Variants in PTPRD observed in about 807,000 individuals in gnomAD.
The protein encoded by PTPRD is protein tyrosine phosphatase receptor type D, also known as receptor-type tyrosine-protein phosphatase delta.
Under a neutral mutation model 214.5 loss-of-function variants are expected in PTPRD, and 34 were observed. The observed-to-expected ratio is 0.16, with a 90% CI of 0.12 to 0.21. The LOEUF (loss-of-function observed/expected upper bound fraction) is 0.21, where lower values mean the gene tolerates loss of function less well. Among genes scored for constraint, PTPRD ranks in the 10% least tolerant of loss-of-function variants. The probability of loss-of-function intolerance (pLI) is 1.00; values close to 1 mark genes in which losing one functional copy is unlikely to be tolerated. For synonymous variants in PTPRD, 1,128 were observed against 845.7 expected (o/e 1.33, Z -5.79); for missense variants, 2,545 against 2,398.7 (o/e 1.06, Z -1.27).
chr9:10,532,015 A>T (rs2056499176), intron 2 of PTPRD: 1 of 152,142 alleles, frequency 6.6e-6, no homozygotes, highest in South Asian at 2.1e-4. Flanking sequence ...CTTTATTTTA[A>T]AATTACTCTC....
intron 44 of PTPRD, among the ~76,000 whole-genome samples, chr9:8,321,363 A>T (rs943012338): frequency 6.6e-6 from 1 of 151,154 alleles, no homozygotes; most frequent in South Asian, 2.1e-4. Context: ...CAACTTTTCA[A>T]TTTACTGGTT....
intron 2 of PTPRD, among the ~76,000 whole-genome samples, chr9:10,450,523 T>C (rs890079956): frequency 8.5e-5 from 13 of 152,082 alleles, no homozygotes; most frequent in African/African-American, 3.1e-4. Flanking sequence ...TTATAGTCCC[T>C]AATCTGTAGT....
intron 12 of PTPRD, among the ~76,000 whole-genome samples, chr9:8,709,901 C>G (rs539944595): frequency 6.6e-6 from 1 of 152,138 alleles, no homozygotes; most frequent in East Asian, 1.9e-4. Context: ...GAGAGTGCCT[C>G]AGGAATTAAG....
chr9:9,885,217 A>G (rs2070393722), intron 5 of PTPRD, among the ~76,000 whole-genome samples: 1 of 152,104 alleles, frequency 6.6e-6, no homozygotes, highest in Admixed American at 6.6e-5. Context: ...GTATTAATAT[A>G]TTGAATAAAA....
intron 2 of PTPRD, among the ~76,000 whole-genome samples, chr9:10,422,898 G>C (rs1464352461): frequency 2.0e-5 from 3 of 152,000 alleles, no homozygotes; most frequent in Admixed American, 1.3e-4. Flanking sequence ...ACAGTGTGGC[G>C]ATTCCTCAAG....
chr9:8,718,832 C>T (rs74716482), intron 12 of PTPRD, among the ~76,000 whole-genome samples: 12,298 of 152,180 alleles, frequency 0.081, 641 homozygotes, highest in Middle Eastern at 0.13. Flanking sequence ...CCCACAAAAG[C>T]GTTTCAGTTT....
intron 8 of PTPRD, among the ~76,000 whole-genome samples, chr9:9,564,984 T>G (rs551623320): frequency 7.2e-6 from 1 of 139,440 alleles, no homozygotes; most frequent in Non-Finnish European, 1.5e-5. Context: ...ATGAATGACA[T>G]GCAGTTTTCA....
chr9:9,652,098 C>T (rs2096375437), intron 7 of PTPRD, among the ~76,000 whole-genome samples: 1 of 151,978 alleles, frequency 6.6e-6, no homozygotes, highest in Non-Finnish European at 1.5e-5. Flanking sequence ...GCCTTGGCCT[C>T]CCAAAGCGCT....
intron 8 of PTPRD, among the ~76,000 whole-genome samples, chr9:9,503,693 C>T (rs572885579): frequency 6.6e-6 from 1 of 151,806 alleles, no homozygotes; most frequent in African/African-American, 2.4e-5. Flanking sequence ...AGTAGAGTCA[C>T]TTGTGTCAAA....
intron 2 of PTPRD, among the ~76,000 whole-genome samples, chr9:10,493,164 G>A (rs532892672): frequency 1.3e-5 from 2 of 151,834 alleles, no homozygotes; most frequent in Admixed American, 6.6e-5. Flanking sequence ...GTGAAAATGG[G>A]CATACTACCT....
chr9:10,421,607 T>G (rs2098546482), intron 2 of PTPRD, among the ~76,000 whole-genome samples: 1 of 152,008 alleles, frequency 6.6e-6, no homozygotes, highest in East Asian at 2.0e-4. Context: ...TTTTATATAC[T>G]AGTTCTACAA....
chr9:9,991,579 T>G (rs1339730823), intron 4 of PTPRD, among the ~76,000 whole-genome samples: 1 of 151,834 alleles, frequency 6.6e-6, no homozygotes, highest in Non-Finnish European at 1.5e-5. Flanking sequence ...CAGGCTGGTC[T>G]CGAACTCCTG....
intron 4 of PTPRD, among the ~76,000 whole-genome samples, chr9:10,022,508 A>C (rs184587402): frequency 0.01 from 1,565 of 152,232 alleles, 73 homozygotes; most frequent in Admixed American, 0.076. Context: ...TTGATGCAAA[A>C]GTAATCACGG....
intron 11 of PTPRD, among the ~76,000 whole-genome samples, chr9:8,989,763 G>T (rs1389629135): frequency 6.6e-6 from 1 of 152,014 alleles, no homozygotes; most frequent in Admixed American, 6.6e-5. Context: ...GTCTTTATTT[G>T]TTTTATGCTC....
chr9:9,353,691 T>C (rs1028668192), intron 9 of PTPRD, among the ~76,000 whole-genome samples: 2 of 151,868 alleles, frequency 1.3e-5, no homozygotes, highest in Non-Finnish European at 2.9e-5. Flanking sequence ...AAGTATTTTA[T>C]AGTTTAAAGG....
At chr9:9,798,656 G>A (rs1230007410) in intron 5 of PTPRD, among the ~76,000 whole-genome samples, 1 of 152,162 alleles carries the variant, frequency 6.6e-6, no homozygotes, top group Non-Finnish European at 1.5e-5. Context: ...CCATCAGCAT[G>A]CAGCAGCCTA....
intron 9 of PTPRD, among the ~76,000 whole-genome samples, chr9:9,311,043 T>C (rs1958841170): frequency 6.6e-6 from 1 of 151,486 alleles, no homozygotes; most frequent in African/African-American, 2.4e-5. Context: ...CCTTAGCAAA[T>C]TAATATGAGT....
At chr9:9,183,277 A>G (rs924471481) in intron 10 of PTPRD, 27 bp downstream of exon 10, 3 of 152,050 alleles carry the variant, frequency 2.0e-5, no homozygotes, top group Non-Finnish European at 4.4e-5. Flanking sequence ...GAGAAGGGAA[A>G]GGGTTAAAAT....
intron 11 of PTPRD, among the ~76,000 whole-genome samples, chr9:8,841,959 A>G (rs1045063723): frequency 1.3e-5 from 2 of 151,850 alleles, no homozygotes; most frequent in Non-Finnish European, 2.9e-5. Context: ...TGCAGTGAGC[A>G]GAGATGGCCC....
Sources: gnomAD v4.1 joint callset for allele counts (sites outside exome capture counted in the v4.1 genomes callset) on GRCh38, gnomAD v4.1.1 for gene constraint, MANE v1.5 for transcripts, NCBI Gene and HGNC (gene_info 2026-07-23, HGNC 2026-07-21) for gene names.